LACTBL1: variants seen among roughly 807,000 people sequenced by gnomAD.
LACTBL1 encodes lactamase beta like 1, also known as beta-lactamase-like protein 1.
Under a neutral mutation model 39.6 loss-of-function variants are expected in LACTBL1, and 29 were observed. That is an observed-to-expected ratio of 0.73 (90% CI 0.55 to 1.00). The LOEUF is 1.00. Ranked by LOEUF, LACTBL1 falls within the 50% of genes least tolerant of loss-of-function variation. LACTBL1 has a pLI of 0.00. For synonymous variants in LACTBL1, 361 were observed against 360.7 expected, an observed-to-expected ratio of 1.00 and a Z score of -0.01; for missense variants, 711 against 748.5, an observed-to-expected ratio of 0.95 and a Z score of 0.59.
chr1:22,969,502 C>T (rs535000202), upstream of LACTBL1, among the ~76,000 whole-genome samples: 4 of 152,250 alleles, frequency 2.6e-5, no homozygotes, highest in East Asian at 7.7e-4. Context: ...AGATCTCTCA[C>T]ATGTTGAGCA....
At chr1:22,971,035 G>T in the LACTBL1 span, among the ~76,000 whole-genome samples, 1 of 152,214 alleles carries the variant, frequency 6.6e-6, no homozygotes, top group African/African-American at 2.4e-5. Context: ...CAGAGCTGCA[G>T]GGGCAGTGAG....
intron 4 of LACTBL1, among the ~76,000 whole-genome samples, chr1:22,956,650 C>T (rs949456498): frequency 1.3e-5 from 2 of 152,090 alleles, no homozygotes; most frequent in Non-Finnish European, 2.9e-5. Context: ...CCTCTAAAGA[C>T]CAACAGAGGG....
upstream of LACTBL1, among the ~76,000 whole-genome samples, chr1:22,968,979 T>C (rs936127251): frequency 6.6e-6 from 1 of 152,204 alleles, no homozygotes; most frequent in Non-Finnish European, 1.5e-5. Flanking sequence ...GGTCTCACTA[T>C]GTTGCTCAGG....
At chr1:22,957,079 T>C (rs1640768912) in intron 4 of LACTBL1, among the ~76,000 whole-genome samples, 1 of 152,088 alleles carries the variant, frequency 6.6e-6, no homozygotes, top group Non-Finnish European at 1.5e-5. Context: ...ATCCATTATA[T>C]ATGTATATAT....
At chr1:22,960,227 C>G (rs998251027) in intron 2 of LACTBL1, 128 bp from the exon 5 acceptor site, 16 of 1,154,984 alleles carry the variant, frequency 1.4e-5, no homozygotes, top group Non-Finnish European at 1.8e-5. Flanking sequence ...CAGCTATGCC[C>G]CATGGGCTGG....
At chr1:22,969,383 A>T (rs1640915048), upstream of LACTBL1, among the ~76,000 whole-genome samples, 1 of 152,164 alleles carries the variant, frequency 6.6e-6, no homozygotes, top group South Asian at 2.1e-4. Flanking sequence ...GAAGTATATC[A>T]ACAGTCTGTA....
the LACTBL1 span, chr1:22,972,187 TGATGAA>T: frequency 5.1e-4 from 61 of 118,784 alleles, no homozygotes; most frequent in Admixed American, 4.1e-3. Context: ...ATGATGATGA[TGATGAA>T]GGTAACGTGG....
intron 2 of LACTBL1, among the ~76,000 whole-genome samples, chr1:22,962,558 C>T (rs951620308): frequency 6.6e-6 from 1 of 152,228 alleles, no homozygotes; most frequent in African/African-American, 2.4e-5. Context: ...TCGCGGTGGC[C>T]TCTGCAATGT....
chr1:22,959,815 G>A (rs1428357386), intron 3 of LACTBL1, 127 bp downstream of exon 5: 2 of 1,131,586 alleles, frequency 1.8e-6, no homozygotes, highest in African/African-American at 3.1e-5. Flanking sequence ...AAACTGTCAA[G>A]ACTTCATAAT....
intron 2 of LACTBL1, among the ~76,000 whole-genome samples, chr1:22,962,111 A>G (rs1640828873): frequency 6.6e-6 from 1 of 152,164 alleles, no homozygotes; most frequent in Admixed American, 6.5e-5. Flanking sequence ...GAATGCATGT[A>G]AGTGGTTACA....
chr1:22,962,817 C>G (rs951726950), intron 2 of LACTBL1, among the ~76,000 whole-genome samples: 1 of 152,150 alleles, frequency 6.6e-6, no homozygotes. Flanking sequence ...AGGCCTGTTC[C>G]TTTGTGCCCC....
intron 2 of LACTBL1, among the ~76,000 whole-genome samples, chr1:22,960,617 CA>C (rs35006759): frequency 0.022 from 826 of 37,948 alleles, 1 homozygote; most frequent in African/African-American, 0.033. Flanking sequence ...AACTCCGTCT[CA>C]AAAAAAAAAA....
intron 2 of LACTBL1, among the ~76,000 whole-genome samples, chr1:22,960,413 C>T (rs1344757235): frequency 2.0e-5 from 3 of 152,016 alleles, no homozygotes; most frequent in African/African-American, 7.3e-5. Flanking sequence ...GTCAGGAGTT[C>T]AAGGCCAGCC....
chr1:22,972,248 G>T, the LACTBL1 span: 1 of 974,498 alleles, frequency 1.0e-6, no homozygotes, highest in South Asian at 4.7e-5. Context: ...CGGTGGCATG[G>T]TCAGACATGT....
intron 1 of LACTBL1, 84 bp downstream of exon 3, chr1:22,965,206 A>C (rs779948299): frequency 3.1e-5 from 36 of 1,174,442 alleles, no homozygotes; most frequent in Non-Finnish European, 3.7e-5. Context: ...CCTCCCCTAC[A>C]CACTAGAATC....
At position 22,953,882 on chromosome 1, in the gene LACTBL1, C is replaced by A. The variant is rs953820024; in HGVS notation, c.802G>T (p.Asp268Tyr). The change falls in exon 6 of 6, where the codon GAC (aspartate) becomes TAC (tyrosine). Residue 268 changes from aspartate to tyrosine, a missense_variant. Physicochemically the swap from Asp to Tyr is radical, Grantham distance 160. Coordinates refer to ENST00000426928, the Ensembl canonical transcript of LACTBL1. ...CCCGCGGCCAGGCGCGCGCGCACGTCGGGCGTGAGGTCAAAGCCCGTGTCT... is the reference window on the plus strand; with the variant it reads ...CCCGCGGCCAGGCGCGCGCGCACGTAGGGCGTGAGGTCAAAGCCCGTGTCT... 65 of 1,549,390 alleles carry A rather than the reference C, an allele frequency of 4.2e-5. No homozygotes were observed. The East Asian group carries it at 1.5e-3, about 36-fold the overall frequency.
At chr1:22,959,871 T>C in intron 3 of LACTBL1, 71 bp downstream of exon 5, 1 of 1,510,752 alleles carries the variant, frequency 6.6e-7, no homozygotes, top group Non-Finnish European at 9.0e-7. Flanking sequence ...TTCAGTATCC[T>C]TACCTCCTAG....
Position 22,956,734 on chromosome 1 carries a change from C to T in LACTBL1, c.554-1308G>A, listed in dbSNP as rs75574962. Among the ~76,000 whole-genome samples, 333 of 152,240 alleles carry T rather than the reference C, an allele frequency of 2.2e-3. 3 individuals are homozygous for T. Among genetic ancestry groups the T allele is most frequent in the African/African-American group, 7.5e-3 (313 of 41,542 alleles). On this transcript the variant is annotated intron_variant, in intron 4 of 5. Coordinates refer to ENST00000426928, the Ensembl canonical transcript of LACTBL1. ...TCCTGATCCCGCCCTGCCCAATTCCCGTGCCCCAGCTTCATCTTCCAGTGC... is the reference window on the plus strand; with the variant it reads ...TCCTGATCCCGCCCTGCCCAATTCCTGTGCCCCAGCTTCATCTTCCAGTGC...
At chr1:22,955,087 A>G (rs1435994195) in intron 5 of LACTBL1, among the ~76,000 whole-genome samples, 1 of 152,226 alleles carries the variant, frequency 6.6e-6, no homozygotes, top group African/African-American at 2.4e-5. Flanking sequence ...GTGCTCAATA[A>G]ATGTTAAGTG....
Sources: allele counts gnomAD v4.1 joint callset (sites outside exome capture counted in the v4.1 genomes callset), GRCh38; gene constraint gnomAD v4.1.1; transcripts MANE v1.5; gene names NCBI Gene and HGNC (gene_info 2026-07-23, HGNC 2026-07-21).